ADAMTS17: variants seen among roughly 807,000 people sequenced by gnomAD.
The protein encoded by ADAMTS17 is ADAM metallopeptidase with thrombospondin type 1 motif 17, also known as A disintegrin and metalloproteinase with thrombospondin motifs 17.
ADAMTS17 carries 113 observed loss-of-function variants against 141.5 expected under a neutral mutation model. That is an observed-to-expected ratio of 0.80 (90% CI 0.69 to 0.93). The LOEUF (loss-of-function observed/expected upper bound fraction) is 0.93, where lower values mean the gene tolerates loss of function less well. ADAMTS17 is among the 40% of genes least tolerant of loss of function. ADAMTS17 has a pLI of 0.00. For synonymous variants in ADAMTS17, 768 were observed against 630.6 expected (o/e 1.22, Z -3.27); for missense variants, 1,659 against 1,517.9 (o/e 1.09, Z -1.54).
chr15:100,099,327 C>T (rs933016176), intron 14 of ADAMTS17, among the ~76,000 whole-genome samples: 5 of 152,146 alleles, frequency 3.3e-5, no homozygotes, highest in East Asian at 1.9e-4. Flanking sequence ...AATCTGCGAA[C>T]GGGGGCATTT....
chr15:100,209,526 T>C (rs2041719231), intron 7 of ADAMTS17, among the ~76,000 whole-genome samples: 1 of 152,040 alleles, frequency 6.6e-6, no homozygotes, highest in South Asian at 2.1e-4. Flanking sequence ...CCCTCCCTTC[T>C]GATGGCCCAG....
chr15:100,302,406 AT>A, intron 3 of ADAMTS17, among the ~76,000 whole-genome samples: 1 of 152,316 alleles, frequency 6.6e-6, no homozygotes, highest in East Asian at 1.9e-4. Context: ...AAATGTTTTA[AT>A]TTCTTTTGGA....
chr15:100,071,794 A>G (rs2033990856), intron 15 of ADAMTS17, among the ~76,000 whole-genome samples: 2 of 150,492 alleles, frequency 1.3e-5, no homozygotes, highest in African/African-American at 4.9e-5. Context: ...CCCATAGCCA[A>G]TATCATACCG....
intron 18 of ADAMTS17, among the ~76,000 whole-genome samples, chr15:100,025,730 T>A (rs887880239): frequency 6.6e-6 from 1 of 152,104 alleles, no homozygotes; most frequent in Non-Finnish European, 1.5e-5. Context: ...AAAAAGAAAA[T>A]TTTTTTCTTT....
intron 6 of ADAMTS17, chr15:100,256,616 A>G (rs2043335930): frequency 6.6e-6 from 1 of 152,258 alleles, no homozygotes; most frequent in Admixed American, 6.5e-5. Context: ...GGTAAAGGGA[A>G]GGGTGCCCCG....
intron 6 of ADAMTS17, among the ~76,000 whole-genome samples, 189 bp from the exon 7 acceptor site, chr15:100,254,368 A>T (rs1299600078): frequency 6.6e-6 from 1 of 152,228 alleles, no homozygotes; most frequent in Non-Finnish European, 1.5e-5. Flanking sequence ...GGGTAGGTCC[A>T]CTTACCCCAC....
chr15:100,278,339 A>C (rs1277227174), intron 4 of ADAMTS17, among the ~76,000 whole-genome samples: 1 of 151,996 alleles, frequency 6.6e-6, no homozygotes, highest in Non-Finnish European at 1.5e-5. Flanking sequence ...AAAAAAAAAA[A>C]AAAACCCAGA....
At chr15:100,094,264 C>G (rs548923636) in intron 15 of ADAMTS17, among the ~76,000 whole-genome samples, 14 of 152,372 alleles carry the variant, frequency 9.2e-5, no homozygotes, top group Middle Eastern at 6.8e-3. Context: ...AGGGTGGGAG[C>G]AGCTACCCAA....
In ADAMTS17 at chr15:100,133,156, C is replaced by T. The variant is rs959750072; in HGVS notation, c.1575+58G>A. The stretch of plus-strand genomic sequence containing the variant: ...TACAGATTGTGTGTCAGAAGAGGTG[C>T]CAGTTGCCTGCAAGATGTGGAGCTG... On this transcript the variant is annotated intron_variant, in intron 11 of 21. Coordinates refer to ENST00000268070, the MANE Select transcript of ADAMTS17 (RefSeq NM_139057.4). 2.1e-6 allele frequency: 3 copies of T among 1,460,596 alleles called. No individual in the cohort carries two copies. In the African/African-American group the frequency reaches 4.2e-5, roughly 20 times the overall value. 90.5% of individuals were successfully genotyped at this position (1,460,596 alleles called of 1,614,324 possible).
At position 100,066,222 on chromosome 15, in the gene ADAMTS17, T is replaced by C. The variant is rs189339388; in HGVS notation, c.2138-12168A>G. Among the ~76,000 whole-genome samples, 412 of 152,318 alleles carry C rather than the reference T, an allele frequency of 2.7e-3. 3 individuals carry two copies. The highest frequency in any genetic ancestry group is 4.4e-3 in the Admixed American group (67 of 15,304). ...TTCTCTTTTTGAATACTTAGTGTGC[T>C]AATAGCTTTTATCATGAAGAGGTAT... On this transcript the variant is annotated intron_variant, in intron 15 of 21. Coordinates refer to ENST00000268070, the MANE Select transcript of ADAMTS17 (RefSeq NM_139057.4).
At chr15:100,236,691 A>G (rs2042666309) in intron 7 of ADAMTS17, among the ~76,000 whole-genome samples, 1 of 152,120 alleles carries the variant, frequency 6.6e-6, no homozygotes, top group African/African-American at 2.4e-5. Flanking sequence ...TAAAAACATT[A>G]GCTGGGCATA....
intron 15 of ADAMTS17, 140 bp downstream of exon 15, chr15:100,096,215 GA>G: frequency 7.0e-7 from 1 of 1,435,328 alleles, no homozygotes; most frequent in East Asian, 2.3e-5. Context: ...TTGCTTTTCA[GA>G]AATGAAACTG....
rs79612917 is a variant in ADAMTS17 at position 100,308,502 on chromosome 15, G to C, written c.616+22387C>G. 1.8e-3 allele frequency among the ~76,000 whole-genome samples: 273 copies of C among 152,298 alleles called. 3 individuals are homozygous for C. The highest frequency in any genetic ancestry group is 6.3e-3 in the African/African-American group (261 of 41,572). On this transcript the variant is annotated intron_variant, in intron 3 of 21. Transcript: ENST00000268070. ...TATAACAAGATTCTTGCTACAACTT[G>C]AACAGCTTCCTTTTTTTGCTATTGC... is the stretch of plus-strand genomic sequence containing the variant.
chr15:100,291,526 G>A (rs1341743455), intron 3 of ADAMTS17, among the ~76,000 whole-genome samples: 1 of 152,048 alleles, frequency 6.6e-6, no homozygotes, highest in Non-Finnish European at 1.5e-5. Flanking sequence ...ATTCTAACAG[G>A]ATGACCCATG....
chr15:100,341,725 C>T, intron 1 of ADAMTS17, 96 bp downstream of exon 1: 1 of 1,438,330 alleles, frequency 7.0e-7, no homozygotes, highest in Non-Finnish European at 9.2e-7. Context: ...GTCAGCGGTC[C>T]CGCCGCCGCC....
intron 15 of ADAMTS17, among the ~76,000 whole-genome samples, chr15:100,094,388 G>C (rs2035639447): frequency 2.0e-5 from 3 of 152,256 alleles, no homozygotes; most frequent in African/African-American, 7.2e-5. Context: ...ATGGAGAAGG[G>C]AAAGGGGTGA....
In ADAMTS17 at chr15:100,161,636, A is replaced by T. The variant is rs545655782; in HGVS notation, c.1182-6316T>A. On this transcript the variant is annotated intron_variant, in intron 8 of 21. Coordinates refer to ENST00000268070, the MANE Select transcript of ADAMTS17 (RefSeq NM_139057.4). ...TGTTATTGCTAATCAACATAACAAT[A>T]ATTAACAGGCCAGCTCTGCACCAGA... 7.9e-3 allele frequency among the ~76,000 whole-genome samples: 1,201 copies of T among 152,332 alleles called. 17 individuals are homozygous for T. The highest frequency in any genetic ancestry group is 0.026 in the African/African-American group (1,097 of 41,564).
chr15:100,278,493 G>C (rs895193932), intron 4 of ADAMTS17, among the ~76,000 whole-genome samples: 9 of 152,108 alleles, frequency 5.9e-5, no homozygotes, highest in Admixed American at 3.9e-4. Flanking sequence ...AGGTCCCAGG[G>C]GCCTCCTTGG....
At chr15:100,233,577 T>C (rs1482240808) in intron 7 of ADAMTS17, among the ~76,000 whole-genome samples, 2 of 152,180 alleles carry the variant, frequency 1.3e-5, no homozygotes, top group African/African-American at 4.8e-5. Context: ...TCATGTGCAG[T>C]CGATGGGAAC....
Sources: allele counts gnomAD v4.1 joint callset (sites outside exome capture counted in the v4.1 genomes callset), GRCh38; gene constraint gnomAD v4.1.1; transcripts MANE v1.5; gene names NCBI Gene and HGNC (gene_info 2026-07-23, HGNC 2026-07-21).